FRA10AC1: variants seen among roughly 807,000 people sequenced by gnomAD.
The protein encoded by FRA10AC1 is FRA10A associated CGG repeat 1.
A neutral mutation model predicts 56.5 loss-of-function variants in FRA10AC1; 43 were observed. That is an observed-to-expected ratio of 0.76 (90% CI 0.60 to 0.98). The LOEUF (loss-of-function observed/expected upper bound fraction) is 0.98, where lower values mean the gene tolerates loss of function less well. Among genes scored for constraint, FRA10AC1 ranks in the 50% least tolerant of loss-of-function variants. The pLI is 0.00. For synonymous variants in FRA10AC1, 112 were observed against 110.5 expected (o/e 1.01, Z -0.09); for missense variants, 346 against 351.8 (o/e 0.98, Z 0.13).
chr10:93,688,628 C>T (rs1366798470), intron 7 of FRA10AC1, among the ~76,000 whole-genome samples: 1 of 152,050 alleles, frequency 6.6e-6, no homozygotes, highest in Non-Finnish European at 1.5e-5. Flanking sequence ...GAATTCTGTG[C>T]TTTCTGCTCA....
At chr10:93,679,686 G>A (rs1303990220) in intron 11 of FRA10AC1, among the ~76,000 whole-genome samples, 1 of 152,080 alleles carries the variant, frequency 6.6e-6, no homozygotes, top group Non-Finnish European at 1.5e-5. Context: ...GCTTTGTCCA[G>A]GATTTTGCTT....
Position 93,702,580 on chromosome 10 carries a change from GGGCACCAC to G in FRA10AC1, c.-214_-207del. On this transcript the variant is annotated 5_prime_UTR_variant, in exon 1 of 14. Coordinates refer to ENST00000359204, the MANE Select transcript of FRA10AC1 (RefSeq NM_145246.5). ...CCGCCTCTCCCTACGGGTCCCGACT[GGGCACCAC>G]TTCCGGTCCGACACGGCCACGTGTT... 1 of 223,016 alleles carries G rather than the reference GGGCACCAC, an allele frequency of 4.5e-6. No homozygotes were observed. Among genetic ancestry groups the G allele is most frequent in the Non-Finnish European group, 8.8e-6 (1 of 113,874 alleles). 13.8% of individuals were successfully genotyped at this position (223,016 alleles called of 1,614,324 possible). A position where few individuals can be genotyped will look rare whatever the true frequency, so the allele number is the denominator to read the frequency against.
intron 12 of FRA10AC1, chr10:93,673,768 T>TG: frequency 2.2e-6 from 1 of 452,480 alleles, no homozygotes; most frequent in Non-Finnish European, 4.4e-6. Flanking sequence ...TACATGTATG[T>TG]TTTCTCATTT....
intron 11 of FRA10AC1, among the ~76,000 whole-genome samples, chr10:93,680,378 A>C (rs957464377): frequency 1.3e-5 from 2 of 152,216 alleles, no homozygotes; most frequent in African/African-American, 4.8e-5. Flanking sequence ...TACAAATGCC[A>C]TCTCTCAATA....
chr10:93,700,257 A>C (rs1410248970), intron 1 of FRA10AC1, 151 bp from the exon 2 acceptor site: 2 of 507,046 alleles, frequency 3.9e-6, no homozygotes, highest in African/African-American at 2.0e-5. Context: ...TAGCCATCTA[A>C]AACTTTCATT....
At chr10:93,688,332 G>T (rs933303799) in intron 7 of FRA10AC1, among the ~76,000 whole-genome samples, 1 of 152,184 alleles carries the variant, frequency 6.6e-6, no homozygotes, top group African/African-American at 2.4e-5. Context: ...AGCAAGATCA[G>T]TAGTTGCCAG....
intron 12 of FRA10AC1, chr10:93,672,181 G>A (rs2058774218): frequency 2.7e-6 from 1 of 364,992 alleles, no homozygotes; most frequent in Non-Finnish European, 5.3e-6. Flanking sequence ...GATTTGTTAC[G>A]GTAGTTCTAG....
chr10:93,681,804 ACT>A (rs2058940118), intron 10 of FRA10AC1, among the ~76,000 whole-genome samples: 1 of 152,118 alleles, frequency 6.6e-6, no homozygotes, highest in South Asian at 2.1e-4. Flanking sequence ...AAGTCTTAAC[ACT>A]GACACAAATA....
chr10:93,687,412 G>T lies in FRA10AC1; in HGVS notation c.503C>A (p.Ser168Ter). 6.6e-7 allele frequency: 1 copy of T among 1,511,304 alleles called. No homozygotes were observed. The highest frequency in any genetic ancestry group is 9.0e-7 in the Non-Finnish European group (1 of 1,113,560). The allele number at this position is 1,511,304 out of a possible 1,614,324, so 93.6% of individuals were successfully genotyped here. The change falls in exon 8 of 14, where the codon TCA becomes TAA. Residue 168 changes from serine (S) to a stop codon, truncating the protein, a stop_gained. Coordinates refer to ENST00000359204, the MANE Select transcript of FRA10AC1 (RefSeq NM_145246.5). LOFTEE classifies it high-confidence loss of function. ...AAATTTTAAAGAATTACCTTTTCCT[G>T]AAATTACTTCTTTTTCTACTCGCCA... ...FRWRVEKEVI[S>*]GKGQFFCGNK...
chr10:93,688,224 G>A (rs544652837), intron 7 of FRA10AC1, among the ~76,000 whole-genome samples: 2 of 152,196 alleles, frequency 1.3e-5, no homozygotes, highest in South Asian at 4.1e-4. Flanking sequence ...AGAAACTTAA[G>A]TACATATTAC....
intron 12 of FRA10AC1, 147 bp downstream of exon 12, chr10:93,676,506 G>T: frequency 1.6e-6 from 2 of 1,219,096 alleles, no homozygotes; most frequent in South Asian, 3.5e-5. Context: ...TACACTTTTG[G>T]CCTTTTTTCT....
At chr10:93,689,487 G>A (rs1490160749) in intron 7 of FRA10AC1, among the ~76,000 whole-genome samples, 1 of 152,086 alleles carries the variant, frequency 6.6e-6, no homozygotes, top group Non-Finnish European at 1.5e-5. Context: ...TCCAACATAT[G>A]TTAGGATGTC....
rs1358600556 is a variant in FRA10AC1, at chr10:93,669,368, G to GA, written c.*457dup. ...GAGGAATGCATAAGGCCAGGAGTTT[G>GA]AATACCAGCCTGGGCAACACAGGAG... On this transcript the variant is annotated 3_prime_UTR_variant, in exon 14 of 14. Transcript: ENST00000359204. The GA allele has an allele frequency of 5.2e-5, 8 of 153,064 alleles. No individual in the cohort carries two copies. Among genetic ancestry groups the GA allele is most frequent in the African/African-American group, 1.7e-4 (7 of 41,518 alleles). 9.5% of individuals were successfully genotyped at this position (153,064 alleles called of 1,614,324 possible). A position where few individuals can be genotyped will look rare whatever the true frequency, so the allele number is the denominator to read the frequency against.
intron 5 of FRA10AC1, among the ~76,000 whole-genome samples, chr10:93,693,528 C>T (rs796969451): frequency 0.016 from 163 of 10,208 alleles, 12 homozygotes; most frequent in Middle Eastern, 0.17. Context: ...TATATATATA[C>T]ACCATATATA....
At chr10:93,686,408 T>C (rs568453919) in intron 8 of FRA10AC1, among the ~76,000 whole-genome samples, 9 of 151,972 alleles carry the variant, frequency 5.9e-5, no homozygotes, top group African/African-American at 2.2e-4. Context: ...ATTTAGAGAC[T>C]ACCCATCAAT....
intron 10 of FRA10AC1, among the ~76,000 whole-genome samples, chr10:93,683,356 CT>C (rs35621433): frequency 0.4 from 59,359 of 148,374 alleles, 13,917 homozygotes; most frequent in Non-Finnish European, 0.52. Context: ...CTGATTTTAA[CT>C]TTTTTTTTTT....
chr10:93,702,361 C>A lies in FRA10AC1; in HGVS notation c.-1+14G>T. ...TCCCTGATGCCAAATATACCCACAG[C>A]CCTCCTCACACACCCTTTCCCTTCC... is the stretch of plus-strand genomic sequence containing the variant. On this transcript the variant is annotated intron_variant, in intron 1 of 13. Transcript: ENST00000359204. The A allele has an allele frequency of 6.4e-6, 1 of 157,104 alleles. No homozygotes were observed. Among genetic ancestry groups the A allele is most frequent in the Non-Finnish European group, 1.4e-5 (1 of 71,240 alleles). 9.7% of individuals were successfully genotyped at this position (157,104 alleles called of 1,614,324 possible).
chr10:93,679,033 T>A (rs1295470769), intron 11 of FRA10AC1, among the ~76,000 whole-genome samples: 5 of 152,168 alleles, frequency 3.3e-5, no homozygotes, highest in Non-Finnish European at 5.9e-5. Context: ...TAATTCTAGA[T>A]GATCCCAGAT....
chr10:93,674,629 A>T (rs1033794676), intron 12 of FRA10AC1: 2 of 152,140 alleles, frequency 1.3e-5, no homozygotes, highest in African/African-American at 4.8e-5. Context: ...CTACTAGTAA[A>T]AATTTGACTT....
Sources: allele counts gnomAD v4.1 joint callset (sites outside exome capture counted in the v4.1 genomes callset), GRCh38; gene constraint gnomAD v4.1.1; transcripts MANE v1.5; gene names NCBI Gene and HGNC (gene_info 2026-07-23, HGNC 2026-07-21).